Variants in NRXN3 observed in about 807,000 individuals in gnomAD.
NRXN3 encodes the protein neurexin III.
In NRXN3, 32 loss-of-function variants were observed where a neutral mutation model predicts 137.6. The ratio of observed to expected loss-of-function variants is 0.23; its 90% confidence interval spans 0.18 to 0.31. NRXN3 has a LOEUF of 0.31. NRXN3 is among the 10% of genes least tolerant of loss of function. NRXN3 has a pLI of 1.00. For missense variants in NRXN3, 1,574 were observed against 2,062.5 expected, an observed-to-expected ratio of 0.76 and a Z score of 4.59; for synonymous variants, 798 against 784.5, an observed-to-expected ratio of 1.02 and a Z score of -0.29.
intron 16 of NRXN3, among the ~76,000 whole-genome samples, chr14:79,477,244 A>G (rs2096567889): frequency 1.3e-5 from 2 of 152,052 alleles, no homozygotes; most frequent in African/African-American, 4.8e-5. Flanking sequence ...GTGTTCTCAA[A>G]TTCATGAATT....
intron 15 of NRXN3, among the ~76,000 whole-genome samples, chr14:79,466,311 G>A (rs995961681): frequency 6.6e-6 from 1 of 152,220 alleles, no homozygotes; most frequent in Non-Finnish European, 1.5e-5. Flanking sequence ...CTGGAGGCCA[G>A]GTACGGTGGC....
chr14:78,708,779 T>A (rs2098381750), intron 6 of NRXN3, among the ~76,000 whole-genome samples: 1 of 152,138 alleles, frequency 6.6e-6, no homozygotes, highest in South Asian at 2.1e-4. Flanking sequence ...CCAAAAGCAA[T>A]ACCTTGTTTG....
At chr14:79,122,716 C>T (rs2055667798) in intron 15 of NRXN3, among the ~76,000 whole-genome samples, 1 of 152,174 alleles carries the variant, frequency 6.6e-6, no homozygotes, top group African/African-American at 2.4e-5. Flanking sequence ...TTTATTCATA[C>T]ATTTGTATAC....
chr14:79,133,183 T>C (rs2057786983), intron 15 of NRXN3, among the ~76,000 whole-genome samples: 1 of 152,216 alleles, frequency 6.6e-6, no homozygotes, highest in Non-Finnish European at 1.5e-5. Flanking sequence ...ATATTGATTA[T>C]TGTCTTTTTC....
chr14:79,807,400 C>T (rs1315151225), intron 20 of NRXN3, among the ~76,000 whole-genome samples: 1 of 152,156 alleles, frequency 6.6e-6, no homozygotes, highest in Non-Finnish European at 1.5e-5. Context: ...TCCACAGCAA[C>T]ATTCATAATA....
intron 19 of NRXN3, among the ~76,000 whole-genome samples, chr14:79,770,067 G>T (rs1046382626): frequency 1.1e-4 from 17 of 151,750 alleles, no homozygotes; most frequent in Admixed American, 7.2e-4. Flanking sequence ...TCAACAAGAA[G>T]AGCTAACTAT....
chr14:78,256,858 C>T (rs145430700), intron 2 of NRXN3, among the ~76,000 whole-genome samples: 34 of 152,354 alleles, frequency 2.2e-4, no homozygotes, highest in African/African-American at 8.2e-4. Context: ...CTGATCAACA[C>T]TCAAATCTAC....
chr14:78,658,391 G>A (rs1051437959), intron 6 of NRXN3, among the ~76,000 whole-genome samples: 2 of 152,154 alleles, frequency 1.3e-5, no homozygotes, highest in African/African-American at 4.8e-5. Context: ...TTAGACAAAT[G>A]GAGGTGTTTT....
At chr14:78,492,428 G>A (rs58278237) in intron 4 of NRXN3, among the ~76,000 whole-genome samples, 54,202 of 152,062 alleles carry the variant, frequency 0.36, 10,253 homozygotes, top group Admixed American at 0.42. Flanking sequence ...AAATAAGATC[G>A]TGCATATAAA....
At chr14:79,798,744 T>C (rs1368784833) in intron 19 of NRXN3, among the ~76,000 whole-genome samples, 1 of 152,256 alleles carries the variant, frequency 6.6e-6, no homozygotes, top group African/African-American at 2.4e-5. Context: ...CAAAAGGCAG[T>C]TGGGCAGTAA....
At chr14:79,103,977 CAT>C (rs1355539310) in intron 15 of NRXN3, among the ~76,000 whole-genome samples, 17 of 152,164 alleles carry the variant, frequency 1.1e-4, no homozygotes, top group African/African-American at 2.9e-4. Context: ...CATGTGCACA[CAT>C]ATGAATAGAT....
At chr14:79,035,744 T>C (rs2099614955) in intron 15 of NRXN3, among the ~76,000 whole-genome samples, 1 of 152,084 alleles carries the variant, frequency 6.6e-6, no homozygotes, top group African/African-American at 2.4e-5. Flanking sequence ...CCCAAATAAA[T>C]CTTGGAGATT....
At chr14:78,742,318 G>T (rs776149798) in intron 8 of NRXN3, among the ~76,000 whole-genome samples, 9 of 152,110 alleles carry the variant, frequency 5.9e-5, no homozygotes, top group Non-Finnish European at 1.2e-4. Context: ...ACAATCCAAT[G>T]AATTGTTTTA....
intron 16 of NRXN3, among the ~76,000 whole-genome samples, chr14:79,472,642 T>C (rs1374570466): frequency 6.6e-6 from 1 of 152,204 alleles, no homozygotes; most frequent in African/African-American, 2.4e-5. Flanking sequence ...CAAATGTTAG[T>C]TTCCTTCCAT....
chr14:79,778,151 T>C (rs1431971156), intron 19 of NRXN3, among the ~76,000 whole-genome samples: 1 of 152,210 alleles, frequency 6.6e-6, no homozygotes, highest in Non-Finnish European at 1.5e-5. Flanking sequence ...GCGTGGTGGC[T>C]CACGCCTGTA....
At chr14:78,961,879 G>A (rs2099408811) in intron 11 of NRXN3, among the ~76,000 whole-genome samples, 1 of 152,164 alleles carries the variant, frequency 6.6e-6, no homozygotes. Context: ...TTTGTAGACT[G>A]CTTGTTGGCC....
intron 4 of NRXN3, among the ~76,000 whole-genome samples, chr14:78,391,505 GTTGT>G (rs1167793206): frequency 6.6e-6 from 1 of 151,904 alleles, no homozygotes; most frequent in African/African-American, 2.4e-5. Context: ...AGCCTGTTTG[GTTGT>G]TTATTTTTAT....
chr14:79,104,836 T>TC (rs1475119271), intron 15 of NRXN3, among the ~76,000 whole-genome samples: 1 of 152,042 alleles, frequency 6.6e-6, no homozygotes, highest in Non-Finnish European at 1.5e-5. Flanking sequence ...TTTTTTTTTT[T>TC]TCCTTTGGGT....
chr14:78,799,522 G>C (rs556464494), intron 8 of NRXN3, among the ~76,000 whole-genome samples: 2 of 152,264 alleles, frequency 1.3e-5, no homozygotes, highest in South Asian at 4.1e-4. Context: ...CCTCCAAACT[G>C]TTCCAACTTC....
Sources: gnomAD v4.1 joint callset for allele counts (sites outside exome capture counted in the v4.1 genomes callset) on GRCh38, gnomAD v4.1.1 for gene constraint, MANE v1.5 for transcripts, NCBI Gene and HGNC (gene_info 2026-07-23, HGNC 2026-07-21) for gene names.